B4GALNT2: variants seen among roughly 807,000 people sequenced by gnomAD.
The protein encoded by B4GALNT2 is beta-1,4-N-acetyl-galactosaminyltransferase 2 (SID blood group).
In B4GALNT2, 42 loss-of-function variants were observed where a neutral mutation model predicts 51.1. The ratio of observed to expected loss-of-function variants is 0.82; its 90% CI spans 0.64 to 1.06. The LOEUF (loss-of-function observed/expected upper bound fraction) is 1.06. B4GALNT2 is among the 50% of genes least tolerant of loss of function. B4GALNT2 has a pLI of 0.00. For missense variants in B4GALNT2, 602 were observed against 633.6 expected (o/e 0.95, Z 0.54); for synonymous variants, 253 against 251.7 (o/e 1.01, Z -0.05).
upstream of B4GALNT2, among the ~76,000 whole-genome samples, chr17:49,129,166 G>T (rs1043725788): frequency 6.9e-6 from 1 of 145,294 alleles, no homozygotes; most frequent in East Asian, 1.9e-4. Context: ...AAGAAGTGGG[G>T]TGGTGGGGAG....
At chr17:49,155,335 G>A (rs1364132974) in intron 4 of B4GALNT2, among the ~76,000 whole-genome samples, 4 of 145,938 alleles carry the variant, frequency 2.7e-5, no homozygotes, top group Non-Finnish European at 4.5e-5. Flanking sequence ...TGGTGCAGTG[G>A]CTCACACCTG....
chr17:49,145,704 A>G (rs1393147798), intron 3 of B4GALNT2, among the ~76,000 whole-genome samples: 1 of 152,160 alleles, frequency 6.6e-6, no homozygotes, highest in Non-Finnish European at 1.5e-5. Flanking sequence ...CCTTAATCAC[A>G]GGGCATGGTA....
At position 49,173,381 on chromosome 17, in the gene B4GALNT2, A is replaced by C. The variant is rs2042969466; in HGVS notation, c.*3653A>C. On this transcript the variant is annotated 3_prime_UTR_variant, in exon 11 of 11. Transcript: ENST00000393354. ...TGCTTTTTGAACTGAAGTATAGGGC[A>C]TCTGAAGCCCTTACTTTTCAAGCCA... 1 of 152,240 alleles carries C rather than the reference A, an allele frequency of 6.6e-6. No homozygotes were observed. The highest frequency in any genetic ancestry group is 6.5e-5 in the Admixed American group (1 of 15,276). 9.4% of individuals were successfully genotyped at this position (152,240 alleles called of 1,614,324 possible).
the B4GALNT2 span, among the ~76,000 whole-genome samples, chr17:49,120,379 AGGAAAG>A: frequency 6.6e-6 from 1 of 152,202 alleles, no homozygotes; most frequent in South Asian, 2.1e-4. Context: ...TCTGGTGGCT[AGGAAAG>A]GTCTCCTTGA....
chr17:49,124,989 C>A, the B4GALNT2 span, among the ~76,000 whole-genome samples: 6 of 152,084 alleles, frequency 3.9e-5, no homozygotes, highest in Non-Finnish European at 8.8e-5. Context: ...CAACTAAAAA[C>A]AATTCTTTAA....
chr17:49,136,825 G>A (rs1276646721), intron 1 of B4GALNT2, among the ~76,000 whole-genome samples: 1 of 152,084 alleles, frequency 6.6e-6, no homozygotes, highest in Non-Finnish European at 1.5e-5. Flanking sequence ...GGGATTACAG[G>A]CGTGAACCAC....
At chr17:49,129,088 G>A (rs2042524428), upstream of B4GALNT2, among the ~76,000 whole-genome samples, 1 of 152,204 alleles carries the variant, frequency 6.6e-6, no homozygotes, top group Non-Finnish European at 1.5e-5. Context: ...TTACCAGTTA[G>A]CTGGATTAGT....
chr17:49,158,984 G>A (rs973604855), intron 5 of B4GALNT2, 53 bp from the exon 6 acceptor site: 1 of 1,575,406 alleles, frequency 6.3e-7, no homozygotes, highest in African/African-American at 1.3e-5. Context: ...ATCTTTCCAG[G>A]GAGATATTTT....
intron 1 of B4GALNT2, chr17:49,133,356 A>C: frequency 4.0e-6 from 4 of 995,702 alleles, no homozygotes; most frequent in Non-Finnish European, 5.4e-6. Context: ...GGGCAGAGTG[A>C]GCTGCGGTTG....
chr17:49,136,475 A>G (rs2042590968), intron 1 of B4GALNT2, among the ~76,000 whole-genome samples: 1 of 151,734 alleles, frequency 6.6e-6, no homozygotes, highest in Admixed American at 6.6e-5. Context: ...ATTTTTTTAA[A>G]AGGTGCCTTT....
At position 49,170,109 on chromosome 17, in the gene B4GALNT2, C is replaced by T. The variant is rs2042948257; in HGVS notation, c.*381C>T. ...TGTTTGGTGGAAATTCTGTCACAGT[C>T]AGAAGCATCGGATCCAGCATCACTG... On this transcript the variant is annotated 3_prime_UTR_variant, in exon 11 of 11. Transcript: ENST00000393354. 1 of 175,768 alleles carries T rather than the reference C, an allele frequency of 5.7e-6. No homozygotes were observed. Among genetic ancestry groups the T allele is most frequent in the Non-Finnish European group, 1.2e-5 (1 of 83,598 alleles). 10.9% of individuals were successfully genotyped at this position (175,768 alleles called of 1,614,324 possible).
At chr17:49,154,713 T>G (rs149450516) in intron 4 of B4GALNT2, among the ~76,000 whole-genome samples, 1 of 151,820 alleles carries the variant, frequency 6.6e-6, no homozygotes, top group Non-Finnish European at 1.5e-5. Context: ...ACAGGTGAGA[T>G]GAGAATGACT....
intron 1 of B4GALNT2, among the ~76,000 whole-genome samples, chr17:49,140,388 C>T (rs145059390): frequency 2.0e-5 from 3 of 152,204 alleles, no homozygotes; most frequent in South Asian, 2.1e-4. Flanking sequence ...GCATGAGCCA[C>T]CACACCCGGC....
At chr17:49,168,999 G>A (rs1482712702) in intron 10 of B4GALNT2, 99 bp downstream of exon 10, 27 of 1,255,758 alleles carry the variant, frequency 2.2e-5, no homozygotes, top group South Asian at 2.9e-5. Context: ...GATCATAGTC[G>A]CTTGCCCAGT....
At chr17:49,167,581 C>T (rs1018851810) in intron 9 of B4GALNT2, among the ~76,000 whole-genome samples, 5 of 149,956 alleles carry the variant, frequency 3.3e-5, no homozygotes, top group African/African-American at 1.2e-4. Flanking sequence ...TTGTACCCCA[C>T]AGGTAATTTT....
chr17:49,143,210 C>G (rs2042661120), intron 3 of B4GALNT2, among the ~76,000 whole-genome samples: 1 of 152,060 alleles, frequency 6.6e-6, no homozygotes, highest in Admixed American at 6.6e-5. Context: ...GATTGTGCCA[C>G]TGCCCTCCAA....
At chr17:49,141,595 A>T (rs2042644605) in intron 2 of B4GALNT2, 148 bp downstream of exon 2, 1 of 857,902 alleles carries the variant, frequency 1.2e-6, no homozygotes, top group Admixed American at 2.4e-5. Flanking sequence ...GCAAGCCAGG[A>T]TGGGGCTTGG....
intron 1 of B4GALNT2, 124 bp downstream of exon 1, chr17:49,132,930 C>G (rs2042552786): frequency 7.3e-7 from 1 of 1,378,522 alleles, no homozygotes; most frequent in African/African-American, 1.5e-5. Flanking sequence ...AGCCAGGGAG[C>G]GGGCGGTTGG....
chr17:49,143,295 C>CAAAGACAA (rs2042662561), intron 3 of B4GALNT2, among the ~76,000 whole-genome samples: 2 of 98,256 alleles, frequency 2.0e-5, no homozygotes, highest in African/African-American at 9.5e-5. Flanking sequence ...ACAACAACAA[C>CAAAGACAA]AAAAACAAAA....
Sources: allele counts gnomAD v4.1 joint callset (sites outside exome capture counted in the v4.1 genomes callset), GRCh38; gene constraint gnomAD v4.1.1; transcripts MANE v1.5; gene names NCBI Gene and HGNC (gene_info 2026-07-23, HGNC 2026-07-21).